The following FHIT variants were observed in gnomAD, a reference collection of about 807,000 sequenced individuals.
The protein encoded by FHIT is bis(5'-adenosyl)-triphosphatase.
FHIT carries 19 observed loss-of-function variants against 17.9 expected under a neutral mutation model. That is an observed-to-expected ratio of 1.06 (90% confidence interval 0.74 to 1.56). The LOEUF (loss-of-function observed/expected upper bound fraction) is 1.56. Among genes scored for constraint, FHIT ranks in the 40% most tolerant of loss-of-function variants. The pLI, the probability that FHIT is intolerant of heterozygous loss-of-function variation, is 0.00. For synonymous variants in FHIT, 81 were observed against 69.7 expected, an observed-to-expected ratio of 1.16 and a Z score of -0.81; for missense variants, 248 against 189.2, an observed-to-expected ratio of 1.31 and a Z score of -1.82.
At chr3:60,281,590 G>T (rs1707455999) in intron 5 of FHIT, among the ~76,000 whole-genome samples, 1 of 148,112 alleles carries the variant, frequency 6.8e-6, no homozygotes, top group South Asian at 2.1e-4. Context: ...ACAACAAATA[G>T]TGCTAGAATA....
chr3:60,138,167 G>T lies in FHIT; in HGVS notation c.104-124015C>A, dbSNP rs150285215. Among the ~76,000 whole-genome samples, 713 of 152,260 alleles carry T rather than the reference G, an allele frequency of 4.7e-3. 6 individuals are homozygous for T. The highest frequency in any genetic ancestry group is 8.3e-3 in the Admixed American group (127 of 15,298). On this transcript the variant is annotated intron_variant, in intron 5 of 9. Transcript: ENST00000492590. Reference sequence around the variant, plus strand: ...TGATTTCACGGCTTATGGCTCTATGGAAGTTCTATTCTTAACATGACGCAA... The same window carrying T: ...TGATTTCACGGCTTATGGCTCTATGTAAGTTCTATTCTTAACATGACGCAA...
At chr3:61,069,670 T>C (rs2034735816) in intron 2 of FHIT, among the ~76,000 whole-genome samples, 1 of 152,194 alleles carries the variant, frequency 6.6e-6, no homozygotes, top group Non-Finnish European at 1.5e-5. Flanking sequence ...CATTCAAGAA[T>C]AGCATCCTTT....
intron 2 of FHIT, among the ~76,000 whole-genome samples, chr3:61,141,607 C>T (rs909717040): frequency 7.6e-5 from 11 of 145,238 alleles, no homozygotes; most frequent in African/African-American, 2.2e-4. Context: ...CTATCTCTTA[C>T]GATGTAGCTT....
intron 4 of FHIT, among the ~76,000 whole-genome samples, chr3:60,715,540 G>A (rs989316876): frequency 2.0e-5 from 3 of 147,174 alleles, no homozygotes; most frequent in Non-Finnish European, 1.5e-5. Flanking sequence ...CAAACACCAC[G>A]TGTTCTCACT....
intron 5 of FHIT, among the ~76,000 whole-genome samples, chr3:60,531,274 C>CTTTTTTTT (rs5741620): frequency 2.4e-5 from 2 of 83,136 alleles, no homozygotes; most frequent in African/African-American, 9.6e-5. Flanking sequence ...GAAAAGAACT[C>CTTTTTTTT]TTTTTTTTTT....
intron 5 of FHIT, among the ~76,000 whole-genome samples, chr3:60,392,338 C>A (rs767585047): frequency 3.9e-5 from 6 of 152,106 alleles, no homozygotes; most frequent in Non-Finnish European, 8.8e-5. Flanking sequence ...CTTATGGGGG[C>A]AATGCCCAAA....
rs869239307 is a variant in FHIT, at chr3:60,976,096, C to CTTTTTTTTTTTTTT, written c.-111+65937_-111+65950dup. ...CTTTGTATCTTTCGTTTTTCTTTTT[C>CTTTTTTTTTTTTTT]TTTTTTTTTTTTTTTTTTTTTTTTT... is the stretch of plus-strand genomic sequence containing the variant. On this transcript the variant is annotated intron_variant, in intron 3 of 9. Coordinates refer to ENST00000492590, the MANE Select transcript of FHIT (RefSeq NM_002012.4). Among the ~76,000 whole-genome samples the CTTTTTTTTTTTTTT allele has an allele frequency of 9.1e-3, 611 of 66,794 alleles. 96 individuals are homozygous for CTTTTTTTTTTTTTT. Among genetic ancestry groups the CTTTTTTTTTTTTTT allele is most frequent in the Middle Eastern group, 0.029 (2 of 70 alleles). The allele number at this position is 66,794 out of a possible 152,430, so 43.8% of individuals were successfully genotyped here.
rs963876136 is a variant in FHIT at position 60,400,922 on chromosome 3, T to TA, written c.103+135937dup. On this transcript the variant is annotated intron_variant, in intron 5 of 9. Transcript: ENST00000492590. ...TTTTTCTTAATCCAAATTCTTTGGT[T>TA]AAAAAAAAAAATTAGACAACCTGAA... 2.6e-4 allele frequency among the ~76,000 whole-genome samples: 38 copies of TA among 148,302 alleles called. 1 individual carries two copies. Among genetic ancestry groups the TA allele is most frequent in the African/African-American group, 4.4e-4 (18 of 40,662 alleles).
intron 1 of FHIT, among the ~76,000 whole-genome samples, chr3:61,231,368 C>T (rs1159388702): frequency 2.6e-5 from 4 of 151,942 alleles, no homozygotes; most frequent in Non-Finnish European, 5.9e-5. Context: ...GTGGTGGGCA[C>T]CTATGGTTCC....
At chr3:59,809,417 G>T (rs1700327677) in intron 8 of FHIT, among the ~76,000 whole-genome samples, 1 of 152,212 alleles carries the variant, frequency 6.6e-6, no homozygotes, top group Non-Finnish European at 1.5e-5. Context: ...TGACACTTTA[G>T]TTTTGGACAT....
intron 5 of FHIT, among the ~76,000 whole-genome samples, chr3:60,097,433 C>A (rs17062204): frequency 6.3e-4 from 96 of 152,198 alleles, no homozygotes; most frequent in Middle Eastern, 3.4e-3. Flanking sequence ...CCCAGTTTTC[C>A]AAGACAGACT....
chr3:59,784,175 C>T (rs190601414), intron 8 of FHIT, among the ~76,000 whole-genome samples: 72 of 152,292 alleles, frequency 4.7e-4, no homozygotes, highest in African/African-American at 1.6e-3. Flanking sequence ...TATGATATCC[C>T]TCATCCAGTC....
chr3:60,333,690 C>T (rs910723735), intron 5 of FHIT, among the ~76,000 whole-genome samples: 2 of 152,126 alleles, frequency 1.3e-5, no homozygotes, highest in Non-Finnish European at 2.9e-5. Flanking sequence ...TCCCATAGAG[C>T]TAATGTGTAT....
intron 5 of FHIT, among the ~76,000 whole-genome samples, chr3:60,310,516 G>A (rs919987141): frequency 6.6e-6 from 1 of 151,792 alleles, no homozygotes. Context: ...GATAAAAGAG[G>A]AACAGACCAA....
At chr3:59,963,607 G>A (rs1707790606) in intron 7 of FHIT, among the ~76,000 whole-genome samples, 1 of 152,060 alleles carries the variant, frequency 6.6e-6, no homozygotes, top group African/African-American at 2.4e-5. Context: ...TATCACATCA[G>A]GAACTTTCAT....
At chr3:60,309,749 T>C (rs987751854) in intron 5 of FHIT, among the ~76,000 whole-genome samples, 1 of 152,106 alleles carries the variant, frequency 6.6e-6, no homozygotes, top group Admixed American at 6.5e-5. Flanking sequence ...GTTTAACTTT[T>C]TTTTTCAATA....
intron 2 of FHIT, among the ~76,000 whole-genome samples, chr3:61,113,114 C>T (rs542987727): frequency 6.6e-6 from 1 of 152,070 alleles, no homozygotes; most frequent in Admixed American, 6.5e-5. Context: ...AGAGATCCTC[C>T]CATCTCAGCA....
At chr3:61,041,755 C>T (rs1033432063) in intron 3 of FHIT, among the ~76,000 whole-genome samples, 2 of 150,706 alleles carry the variant, frequency 1.3e-5, no homozygotes, top group Admixed American at 1.3e-4. Context: ...ACTTGGAAAG[C>T]AGTAATTCTT....
At chr3:60,396,492 G>A (rs1701446328) in intron 5 of FHIT, among the ~76,000 whole-genome samples, 1 of 152,108 alleles carries the variant, frequency 6.6e-6, no homozygotes, top group Admixed American at 6.6e-5. Flanking sequence ...TTTTGATTGG[G>A]AAATGAACAG....
Sources: allele counts gnomAD v4.1 joint callset (sites outside exome capture counted in the v4.1 genomes callset), GRCh38; gene constraint gnomAD v4.1.1; transcripts MANE v1.5; gene names NCBI Gene and HGNC (gene_info 2026-07-23, HGNC 2026-07-21).